The following SLC12A1 variants were observed in gnomAD, a reference collection of about 807,000 sequenced individuals.
The protein encoded by SLC12A1 is solute carrier family 12 member 1, also known as Na-K-2Cl cotransporter.
A neutral mutation model predicts 130.4 loss-of-function variants in SLC12A1; 89 were observed. The ratio of observed to expected loss-of-function variants is 0.68; its 90% confidence interval spans 0.58 to 0.81. The LOEUF (loss-of-function observed/expected upper bound fraction) is 0.81, where lower values mean the gene tolerates loss of function less well. SLC12A1 is among the 40% of genes least tolerant of loss of function. The pLI is 0.00. For synonymous variants in SLC12A1, 499 were observed against 460.0 expected (o/e 1.08, Z -1.09); for missense variants, 1,310 against 1,336.4 (o/e 0.98, Z 0.31).
At chr15:48,275,506 G>A (rs111453060) in intron 20 of SLC12A1, among the ~76,000 whole-genome samples, 26 of 152,050 alleles carry the variant, frequency 1.7e-4, no homozygotes, top group African/African-American at 4.1e-4. Context: ...AAGAAAGAAG[G>A]GGCACCTAAC....
intron 19 of SLC12A1, among the ~76,000 whole-genome samples, chr15:48,271,047 A>C (rs1007560286): frequency 1.3e-5 from 2 of 151,290 alleles, no homozygotes; most frequent in African/African-American, 2.4e-5. Context: ...AACATGGTGA[A>C]ACCCCGTCTC....
chr15:48,226,363 G>A, intron 4 of SLC12A1, 113 bp from the exon 5 acceptor site: 1 of 631,832 alleles, frequency 1.6e-6, no homozygotes, highest in Non-Finnish European at 2.7e-6. Context: ...AACCCCGTTG[G>A]AGCCCGAGGC....
Position 48,207,806 on chromosome 15 carries a change from C to T in SLC12A1, c.87C>T (p.Asn29=). ...TTCAAGTTAGTGTCATAAATGAGAA[C>T]CATGAGAGCAGTGCAGCTGCAGATG... ...NRFQVSVINE[N]HESSAAADDN... The change falls in exon 2 of 27, where the codon AAC becomes AAT. Residue 29 remains asparagine (N), a synonymous_variant. Transcript: ENST00000380993. 3 of 1,613,842 alleles carry T rather than the reference C, an allele frequency of 1.9e-6. No individual in the cohort carries two copies. Among genetic ancestry groups the T allele is most frequent in the Non-Finnish European group, 2.5e-6 (3 of 1,179,830 alleles).
At chr15:48,279,356 C>T (rs1243334748) in intron 20 of SLC12A1, among the ~76,000 whole-genome samples, 2 of 152,102 alleles carry the variant, frequency 1.3e-5, no homozygotes, top group Non-Finnish European at 2.9e-5. Context: ...ACAGTGTCAT[C>T]ACAGATTATA....
intron 2 of SLC12A1, among the ~76,000 whole-genome samples, chr15:48,214,615 G>A (rs566914683): frequency 6.6e-6 from 1 of 152,214 alleles, no homozygotes; most frequent in South Asian, 2.1e-4. Context: ...TTATCACAAA[G>A]GGATAGAAAT....
In SLC12A1 at chr15:48,262,643, C is replaced by T. The variant is rs182844221; in HGVS notation, c.2154+3332C>T. Among the ~76,000 whole-genome samples the T allele has an allele frequency of 1.5e-4, 23 of 152,162 alleles. No individual in the cohort carries two copies. In the East Asian group the frequency reaches 4.2e-3, roughly 28 times the overall value. ...GGGACCCATTCTAAAGAATCCAGCT[C>T]AGTAATTTAAAAAATACTGTCTATT... On this transcript the variant is annotated intron_variant, in intron 17 of 26. Transcript: ENST00000380993.
intron 20 of SLC12A1, among the ~76,000 whole-genome samples, chr15:48,276,452 G>T (rs2041955130): frequency 6.6e-6 from 1 of 152,088 alleles, no homozygotes; most frequent in Non-Finnish European, 1.5e-5. Flanking sequence ...TAGGTTATTT[G>T]GGTGGGCCCT....
rs549854027 is a variant in SLC12A1, at chr15:48,207,855, G to A, written c.136G>A (p.Glu46Lys). ...TGACAATACTGACCCACCACATTAT[G>A]AAGAAACCTCTTTTGGGGATGAAGC... ...ADDNTDPPHY[E>K]ETSFGDEAQK... Residue 46 changes from glutamate to lysine, a missense_variant, in exon 2 of 27, where the codon GAA becomes AAA. By Grantham distance (56) the Glu-to-Lys change is moderately conservative (BLOSUM62 1). Transcript: ENST00000380993. 2 of 1,613,952 alleles carry A rather than the reference G, an allele frequency of 1.2e-6. No individual in the cohort carries two copies. Among genetic ancestry groups the A allele is most frequent in the East Asian group, 2.2e-5 (1 of 44,886 alleles).
chr15:48,209,886 C>A lies in SLC12A1; in HGVS notation c.420+1747C>A, dbSNP rs896329056. 3.9e-5 allele frequency among the ~76,000 whole-genome samples: 6 copies of A among 152,272 alleles called. No individual in the cohort carries two copies. The South Asian group carries it at 1.0e-3, about 26-fold the overall frequency. On this transcript the variant is annotated intron_variant, in intron 2 of 26. Coordinates refer to ENST00000380993, the MANE Select transcript of SLC12A1 (RefSeq NM_000338.3). ...AACTTGCTAGTCCTGTGTACTAAAT[C>A]GGCAACAGTCTGCCAAATGGCTGGT...
At position 48,207,854 on chromosome 15, in the gene SLC12A1, T is replaced by C. The variant is rs1368474114; in HGVS notation, c.135T>C (p.Tyr45=). ...AADDNTDPPH[Y]EETSFGDEAQ... ...ATGACAATACTGACCCACCACATTA[T>C]GAAGAAACCTCTTTTGGGGATGAAG... is the stretch of plus-strand genomic sequence containing the variant. The change falls in exon 2 of 27, where the codon TAT becomes TAC. Residue 45 remains tyrosine (Y), a synonymous_variant. Coordinates refer to ENST00000380993, the MANE Select transcript of SLC12A1 (RefSeq NM_000338.3). 1 of 1,613,972 alleles carries C rather than the reference T, an allele frequency of 6.2e-7. No homozygotes were observed. The highest frequency in any genetic ancestry group is 8.5e-7 in the Non-Finnish European group (1 of 1,179,876).
intron 17 of SLC12A1, among the ~76,000 whole-genome samples, chr15:48,262,551 C>T (rs2041787227): frequency 6.6e-6 from 1 of 152,166 alleles, no homozygotes; most frequent in South Asian, 2.1e-4. Flanking sequence ...GCCTCTTCCT[C>T]TCTCTTGCTT....
intron 19 of SLC12A1, among the ~76,000 whole-genome samples, chr15:48,271,308 T>C (rs2041896377): frequency 6.6e-6 from 1 of 152,160 alleles, no homozygotes; most frequent in African/African-American, 2.4e-5. Flanking sequence ...CCAAAAGCCA[T>C]CTTTTGTGTC....
chr15:48,238,256 G>C (rs946876777), intron 9 of SLC12A1, among the ~76,000 whole-genome samples: 1 of 152,108 alleles, frequency 6.6e-6, no homozygotes, highest in Non-Finnish European at 1.5e-5. Flanking sequence ...TGTCTATTGA[G>C]GTTGAAATGG....
In SLC12A1 at chr15:48,301,499, T is replaced by G. The variant is rs1422754417; in HGVS notation, c.3164+117T>G. The G allele has an allele frequency of 8.4e-5, 39 of 462,366 alleles. 4 individuals carry two copies. In the East Asian group the frequency reaches 2.8e-3, roughly 33 times the overall value. The allele number at this position is 462,366 out of a possible 1,614,324, so 28.6% of individuals were successfully genotyped here. A position where few individuals can be genotyped will look rare whatever the true frequency, so the allele number is the denominator to read the frequency against. On this transcript the variant is annotated intron_variant, in intron 26 of 26. Coordinates refer to ENST00000380993, the MANE Select transcript of SLC12A1 (RefSeq NM_000338.3). ...GAATTTTGTTTTGTTTTTGTGTTTT[T>G]TTTGGGGGGGGGAACACGTGGGATT... is the stretch of plus-strand genomic sequence containing the variant.
At chr15:48,284,276 C>T (rs2042035792) in intron 20 of SLC12A1, among the ~76,000 whole-genome samples, 1 of 152,154 alleles carries the variant, frequency 6.6e-6, no homozygotes, top group African/African-American at 2.4e-5. Context: ...GTATCCAGAG[C>T]CTATAGAGTT....
At chr15:48,258,360 CAAAAAAAAAAAAA>C (rs35613910) in intron 16 of SLC12A1, among the ~76,000 whole-genome samples, 2 of 30,244 alleles carry the variant, frequency 6.6e-5, no homozygotes, top group Non-Finnish European at 8.4e-5. Flanking sequence ...GACTCCGTCT[CAAAAAAAAAAAAA>C]AAAAAAAAAA....
rs1303078525 is a variant in SLC12A1, at chr15:48,288,386, A to T, written c.2762-19A>T. The T allele has an allele frequency of 2.3e-6, 3 of 1,303,720 alleles. No homozygotes were observed. The African/African-American group carries it at 4.4e-5, about 19-fold the overall frequency. 80.8% of individuals were successfully genotyped at this position (1,303,720 alleles called of 1,614,324 possible). A position where few individuals can be genotyped will look rare whatever the true frequency, so the allele number is the denominator to read the frequency against. The stretch of plus-strand genomic sequence containing the variant: ...CATTTAGATATACTCATTGTGTCAT[A>T]ATTTATTCTTTATTCCAGGGTTAAC... On this transcript the variant is annotated intron_variant, in intron 22 of 26. Transcript: ENST00000380993.
chr15:48,238,633 G>C (rs2041466536), intron 9 of SLC12A1, among the ~76,000 whole-genome samples: 2 of 152,106 alleles, frequency 1.3e-5, no homozygotes, highest in Non-Finnish European at 2.9e-5. Context: ...GAAATGGGGA[G>C]GAAACTTCAG....
intron 24 of SLC12A1, among the ~76,000 whole-genome samples, chr15:48,296,564 T>C (rs556182800): frequency 2.0e-5 from 3 of 152,270 alleles, no homozygotes; most frequent in African/African-American, 4.8e-5. Context: ...CCAGAAACAG[T>C]TGGTACATTA....
Sources: allele counts gnomAD v4.1 joint callset (sites outside exome capture counted in the v4.1 genomes callset), GRCh38; gene constraint gnomAD v4.1.1; transcripts MANE v1.5; gene names NCBI Gene and HGNC (gene_info 2026-07-23, HGNC 2026-07-21).